Variants in PRKN observed in about 807,000 individuals in gnomAD.
The protein encoded by PRKN is E3 ubiquitin-protein ligase parkin.
A neutral mutation model predicts 59.5 loss-of-function variants in PRKN; 56 were observed. That is an observed-to-expected ratio of 0.94 (90% CI 0.76 to 1.18). PRKN has a LOEUF of 1.18. Among genes scored for constraint, PRKN ranks in the 50% most tolerant of loss-of-function variants. The pLI, the probability that PRKN is intolerant of heterozygous loss-of-function variation, is 0.00. For synonymous variants in PRKN, 250 were observed against 222.1 expected, an observed-to-expected ratio of 1.13 and a Z score of -1.12; for missense variants, 657 against 596.4, an observed-to-expected ratio of 1.10 and a Z score of -1.06.
intron 9 of PRKN, among the ~76,000 whole-genome samples, chr6:161,524,414 T>C (rs968372522): frequency 6.6e-6 from 1 of 152,278 alleles, no homozygotes; most frequent in East Asian, 1.9e-4. Flanking sequence ...GGCATGAACA[T>C]AGCTCACTGT....
At chr6:161,528,672 G>A (rs942624423) in intron 9 of PRKN, among the ~76,000 whole-genome samples, 5 of 152,132 alleles carry the variant, frequency 3.3e-5, no homozygotes, top group African/African-American at 4.8e-5. Context: ...AAGTTGTTGC[G>A]AGATACATGG....
intron 4 of PRKN, among the ~76,000 whole-genome samples, chr6:162,190,682 T>C (rs1200926059): frequency 1.3e-5 from 2 of 152,226 alleles, no homozygotes; most frequent in African/African-American, 4.8e-5. Flanking sequence ...CTGGCTTGCC[T>C]CATTCTGAAG....
At chr6:162,147,425 T>C (rs1782080634) in intron 4 of PRKN, among the ~76,000 whole-genome samples, 2 of 151,652 alleles carry the variant, frequency 1.3e-5, no homozygotes, top group Admixed American at 1.3e-4. Flanking sequence ...CTTTAGTTGA[T>C]TTTGTATTGA....
At chr6:162,366,907 A>G (rs1193094820) in intron 2 of PRKN, among the ~76,000 whole-genome samples, 1 of 152,120 alleles carries the variant, frequency 6.6e-6, no homozygotes, top group Non-Finnish European at 1.5e-5. Context: ...CTCAAAATAA[A>G]ATAAATTTTA....
intron 9 of PRKN, among the ~76,000 whole-genome samples, chr6:161,474,646 G>A (rs1790976010): frequency 6.6e-6 from 1 of 151,842 alleles, no homozygotes; most frequent in African/African-American, 2.4e-5. Flanking sequence ...CCAGGCTGGA[G>A]TGCAGTGGTG....
intron 7 of PRKN, among the ~76,000 whole-genome samples, chr6:161,614,309 A>T (rs1438785660): frequency 2.0e-5 from 3 of 152,218 alleles, no homozygotes; most frequent in Non-Finnish European, 4.4e-5. Context: ...CTACCACAAT[A>T]AATATTTTTA....
At chr6:161,654,228 A>G (rs1276803737) in intron 7 of PRKN, among the ~76,000 whole-genome samples, 1 of 152,228 alleles carries the variant, frequency 6.6e-6, no homozygotes, top group Non-Finnish European at 1.5e-5. Flanking sequence ...ATCATTTTTT[A>G]TAAACTTAAT....
chr6:161,862,327 A>G (rs1793936364), intron 6 of PRKN, among the ~76,000 whole-genome samples: 1 of 152,186 alleles, frequency 6.6e-6, no homozygotes, highest in Non-Finnish European at 1.5e-5. Flanking sequence ...TTACTCGAAT[A>G]GGAAATTCCC....
intron 2 of PRKN, among the ~76,000 whole-genome samples, chr6:162,289,791 T>C (rs752222590): frequency 2.0e-5 from 3 of 152,020 alleles, no homozygotes; most frequent in East Asian, 1.9e-4. Context: ...GGAGGGCAGA[T>C]AGCCAGCTGC....
chr6:162,653,860 T>A (rs936600126), intron 1 of PRKN, among the ~76,000 whole-genome samples: 1 of 152,240 alleles, frequency 6.6e-6, no homozygotes, highest in Non-Finnish European at 1.5e-5. Flanking sequence ...TTCCTCAGTG[T>A]TGAGCATGGC....
chr6:162,623,775 T>C (rs1226271492), intron 1 of PRKN, among the ~76,000 whole-genome samples: 1 of 152,138 alleles, frequency 6.6e-6, no homozygotes, highest in Non-Finnish European at 1.5e-5. Context: ...TTTAAAAATT[T>C]TGGTAGAATA....
intron 4 of PRKN, among the ~76,000 whole-genome samples, chr6:162,198,451 T>A (rs1342191393): frequency 6.6e-6 from 1 of 151,460 alleles, no homozygotes; most frequent in East Asian, 2.0e-4. Context: ...ATTTCATACA[T>A]GAGTATATAT....
intron 7 of PRKN, among the ~76,000 whole-genome samples, chr6:161,727,062 A>G (rs1160715169): frequency 6.6e-6 from 1 of 152,166 alleles, no homozygotes; most frequent in African/African-American, 2.4e-5. Flanking sequence ...TTCATTCACA[A>G]GGATCTTGTC....
In PRKN at chr6:162,438,106, T is replaced by C. The variant is rs574919451; in HGVS notation, c.171+5204A>G. On this transcript the variant is annotated intron_variant, in intron 2 of 11. Coordinates refer to ENST00000366898, the MANE Select transcript of PRKN (RefSeq NM_004562.3). The stretch of plus-strand genomic sequence containing the variant: ...AGCATTTGGTGTTGTCTTTATTTTG[T>C]ATTTTAATTTACCTACTTTACCTAT... Among the ~76,000 whole-genome samples the C allele has an allele frequency of 3.9e-5, 6 of 152,348 alleles. No individual in the cohort carries two copies. The South Asian group carries it at 1.2e-3, about 32-fold the overall frequency.
chr6:161,402,912 G>A lies in PRKN; in HGVS notation c.1084-16035C>T, dbSNP rs953821403. Among the ~76,000 whole-genome samples the A allele has an allele frequency of 2.6e-5, 4 of 152,064 alleles. No individual in the cohort carries two copies. Among genetic ancestry groups the A allele is most frequent in the East Asian group, 1.9e-4 (1 of 5,192 alleles). On this transcript the variant is annotated intron_variant, in intron 9 of 11. Coordinates refer to ENST00000366898, the MANE Select transcript of PRKN (RefSeq NM_004562.3). This position sits in a 1 kb window ranked among gnomAD's most constrained non-coding sequence, Gnocchi z 4.5. ...TGGTGTCCACGTACTCATCTTCCCCGGCTGACACAATTCCCTGGGAGGGGA... is the reference window on the plus strand; with the variant it reads ...TGGTGTCCACGTACTCATCTTCCCCAGCTGACACAATTCCCTGGGAGGGGA...
chr6:161,689,364 T>C (rs1194555795), intron 7 of PRKN, among the ~76,000 whole-genome samples: 5 of 152,206 alleles, frequency 3.3e-5, no homozygotes, highest in Non-Finnish European at 5.9e-5. Flanking sequence ...TATTTTCTAA[T>C]GATTAACCTT....
chr6:161,630,046 T>C (rs145299059), intron 7 of PRKN, among the ~76,000 whole-genome samples: 7,346 of 152,298 alleles, frequency 0.048, 231 homozygotes, highest in Middle Eastern at 0.071. Flanking sequence ...ATAGCGTTCA[T>C]TGTGCTTACA....
At chr6:161,685,382 C>T (rs1169682543) in intron 7 of PRKN, among the ~76,000 whole-genome samples, 1 of 152,180 alleles carries the variant, frequency 6.6e-6, no homozygotes, top group East Asian at 1.9e-4. Context: ...TCCTGCTGAA[C>T]AACTAAGAAA....
intron 5 of PRKN, among the ~76,000 whole-genome samples, chr6:162,021,975 C>T (rs902374135): frequency 2.6e-5 from 4 of 152,046 alleles, no homozygotes; most frequent in Middle Eastern, 6.8e-3. Context: ...GCATTAATTC[C>T]CCTAGGATTA....
Sources: allele counts gnomAD v4.1 joint callset (sites outside exome capture counted in the v4.1 genomes callset), GRCh38; gene constraint gnomAD v4.1.1; non-coding constraint Gnocchi (gnomAD v3.1); transcripts MANE v1.5; gene names NCBI Gene and HGNC (gene_info 2026-07-23, HGNC 2026-07-21).